TRAPPC13: variants seen among roughly 807,000 people sequenced by gnomAD.
TRAPPC13 encodes REV7-interacting novel NHEJ regulator 1.
A neutral mutation model predicts 54.0 loss-of-function variants in TRAPPC13; 39 were observed. The observed-to-expected ratio is 0.72, with a 90% CI of 0.56 to 0.94. TRAPPC13 has a LOEUF of 0.94. Ranked by LOEUF, TRAPPC13 falls within the 40% of genes least tolerant of loss-of-function variation. The pLI, the probability that TRAPPC13 is intolerant of heterozygous loss-of-function variation, is 0.00. For missense variants in TRAPPC13, 386 were observed against 488.1 expected (o/e 0.79, Z 1.97); for synonymous variants, 148 against 167.7 (o/e 0.88, Z 0.91).
intron 1 of TRAPPC13, among the ~76,000 whole-genome samples, chr5:65,633,342 C>T (rs977634560): frequency 2.6e-5 from 4 of 151,410 alleles, no homozygotes; most frequent in Admixed American, 6.6e-5. Context: ...GTGCAGTGGG[C>T]GATCTCAGCT....
chr5:65,635,166 T>C, intron 1 of TRAPPC13, 135 bp from the exon 2 acceptor site: 1 of 760,578 alleles, frequency 1.3e-6, no homozygotes, highest in Non-Finnish European at 2.0e-6. Flanking sequence ...AGGAAGTATG[T>C]AGTATTATAT....
In TRAPPC13 at chr5:65,651,842, G is replaced by GTTTTTTTTTTT. The variant is rs762929434; in HGVS notation, c.502-631_502-621dup. The stretch of plus-strand genomic sequence containing the variant: ...TTGAAAGAAAATAAAACGTGATTCA[G>GTTTTTTTTTTT]TTTTTTTTTTTTTTTTTTTTTTTTT... On this transcript the variant is annotated intron_variant, in intron 6 of 12. Transcript: ENST00000399438. 2.2e-4 allele frequency among the ~76,000 whole-genome samples: 9 copies of GTTTTTTTTTTT among 41,162 alleles called. 1 individual carries two copies. The highest frequency in any genetic ancestry group is 5.6e-4 in the African/African-American group (6 of 10,806). 27.0% of individuals were successfully genotyped at this position (41,162 alleles called of 152,430 possible). A position where few individuals can be genotyped will look rare whatever the true frequency, so the allele number is the denominator to read the frequency against.
chr5:65,646,814 A>G (rs1756226236), intron 4 of TRAPPC13, among the ~76,000 whole-genome samples: 1 of 152,078 alleles, frequency 6.6e-6, no homozygotes, highest in Non-Finnish European at 1.5e-5. Context: ...TTCCATTTTG[A>G]ATTCTCCCTA....
chr5:65,649,979 C>T (rs1756365333), intron 5 of TRAPPC13, among the ~76,000 whole-genome samples: 1 of 151,192 alleles, frequency 6.6e-6, no homozygotes, highest in African/African-American at 2.4e-5. Flanking sequence ...GCCTCAGACT[C>T]CCGAGTAGCT....
chr5:65,633,590 T>C (rs1435816602), intron 1 of TRAPPC13, among the ~76,000 whole-genome samples: 1 of 152,130 alleles, frequency 6.6e-6, no homozygotes, highest in African/African-American at 2.4e-5. Flanking sequence ...ATACTTTTAA[T>C]AATGAACTAG....
At position 65,658,824 on chromosome 5, in the gene TRAPPC13, A is replaced by G. The variant is rs531152393; in HGVS notation, c.698+323A>G. ...AACCTCCACCTCCCAGGTTCAAGCAATTTTGGTGCATCAGCCTCCCAAGCT... is the reference window on the plus strand; with the variant it reads ...AACCTCCACCTCCCAGGTTCAAGCAGTTTTGGTGCATCAGCCTCCCAAGCT... On this transcript the variant is annotated intron_variant, in intron 9 of 12. Transcript: ENST00000399438. Among the ~76,000 whole-genome samples the G allele has an allele frequency of 7.2e-5, 11 of 151,898 alleles. No individual in the cohort carries two copies. The South Asian group carries it at 2.3e-3, about 32-fold the overall frequency.
chr5:65,629,776 G>A lies in TRAPPC13; in HGVS notation c.46+4670G>A, dbSNP rs965500494. ...GATCACCACCTGTGATTTCTGAAGA[G>A]GCAGCTGAAGATGTGAAACAGTACT... On this transcript the variant is annotated intron_variant, in intron 1 of 12. Transcript: ENST00000399438. The A allele has an allele frequency of 4.6e-6, 7 of 1,535,986 alleles. No homozygotes were observed. In the African/African-American group the frequency reaches 8.2e-5, roughly 18 times the overall value.
At chr5:65,630,656 T>C in intron 1 of TRAPPC13, 1 of 1,015,632 alleles carries the variant, frequency 9.8e-7, no homozygotes, top group Non-Finnish European at 1.2e-6. Flanking sequence ...TGTATTTTTT[T>C]CCTTACCTCA....
chr5:65,662,374 T>C (rs16894196), intron 11 of TRAPPC13: 1 of 222,346 alleles, frequency 4.5e-6, no homozygotes, highest in Non-Finnish European at 8.8e-6. Context: ...TTCATTCATT[T>C]GTCACACCCT....
At chr5:65,633,734 G>C (rs188951189) in intron 1 of TRAPPC13, among the ~76,000 whole-genome samples, 310 of 151,878 alleles carry the variant, frequency 2.0e-3, no homozygotes, top group African/African-American at 7.2e-3. Flanking sequence ...AAAAATTATA[G>C]AGTGTTTACT....
intron 4 of TRAPPC13, among the ~76,000 whole-genome samples, chr5:65,645,103 CAGG>C (rs987326530): frequency 7.5e-5 from 11 of 146,490 alleles, no homozygotes; most frequent in Admixed American, 2.9e-4. Context: ...GAGGCTGAGG[CAGG>C]AGAATCGCCT....
At chr5:65,638,133 A>G (rs968674808) in intron 4 of TRAPPC13, among the ~76,000 whole-genome samples, 15 of 151,912 alleles carry the variant, frequency 9.9e-5, no homozygotes, top group African/African-American at 3.6e-4. Context: ...AAAAAAAAAA[A>G]AAAGAAAAAA....
intron 5 of TRAPPC13, among the ~76,000 whole-genome samples, chr5:65,647,881 T>C (rs1756274323): frequency 6.6e-6 from 1 of 152,182 alleles, no homozygotes; most frequent in Admixed American, 6.5e-5. Flanking sequence ...TTAGCTGTTA[T>C]CTAATCAGTT....
At chr5:65,625,876 A>C (rs1247289107) in intron 1 of TRAPPC13, 1 of 152,232 alleles carries the variant, frequency 6.6e-6, no homozygotes, top group African/African-American at 2.4e-5. Context: ...GAGCTGAGGA[A>C]ATGCTCAATA....
chr5:65,658,641 T>A, intron 9 of TRAPPC13, 140 bp downstream of exon 9: 1 of 601,934 alleles, frequency 1.7e-6, no homozygotes, highest in Non-Finnish European at 2.5e-6. Context: ...CATCAGAAAG[T>A]AGAGTTTCCA....
At position 65,655,661 on chromosome 5, in the gene TRAPPC13, G is replaced by T; in HGVS notation, c.564+8G>T. Reference sequence around the variant, plus strand: ...AGTGACCTCAGTTCTGTGGTAATTTGATTTTTTATTATAAATTTTTATACT... The same window carrying T: ...AGTGACCTCAGTTCTGTGGTAATTTTATTTTTTATTATAAATTTTTATACT... On this transcript the variant is annotated splice_region_variant and intron_variant, in intron 8 of 12. Coordinates refer to ENST00000399438, the MANE Select transcript of TRAPPC13 (RefSeq NM_024941.4). 2 of 847,838 alleles carry T rather than the reference G, an allele frequency of 2.4e-6. No homozygotes were observed. The highest frequency in any genetic ancestry group is 1.6e-6 in the Non-Finnish European group (1 of 611,152). 52.5% of individuals were successfully genotyped at this position (847,838 alleles called of 1,614,324 possible).
Position 65,629,673 on chromosome 5 carries a change from A to G in TRAPPC13, c.46+4567A>G, listed in dbSNP as rs1200845378. On this transcript the variant is annotated intron_variant, in intron 1 of 12. Transcript: ENST00000399438. ...AAAATTGCAGAAAAAGCAATTCAAG[A>G]CTTTCCTACTCGTCCGCTATCAAGA... 18 of 1,535,920 alleles carry G rather than the reference A, an allele frequency of 1.2e-5. No individual in the cohort carries two copies. The Admixed American group carries it at 3.5e-4, about 30-fold the overall frequency.
rs541769141 is a variant in TRAPPC13 at position 65,665,473 on chromosome 5, A to G, written c.*862A>G. ...TCTGTATTTGTATATTATACCTACA[A>G]ACATACATATCTTTCAGCTACTGAA... On this transcript the variant is annotated 3_prime_UTR_variant, in exon 13 of 13. Transcript: ENST00000399438. 6.6e-6 allele frequency: 1 copy of G among 152,290 alleles called. No individual in the cohort carries two copies. The highest frequency in any genetic ancestry group is 6.5e-5 in the Admixed American group (1 of 15,302). 9.4% of individuals were successfully genotyped at this position (152,290 alleles called of 1,614,324 possible). A position where few individuals can be genotyped will look rare whatever the true frequency, so the allele number is the denominator to read the frequency against.
intron 6 of TRAPPC13, among the ~76,000 whole-genome samples, chr5:65,651,915 G>A (rs1756472218): frequency 7.9e-6 from 1 of 127,056 alleles, no homozygotes; most frequent in South Asian, 2.7e-4. Flanking sequence ...CTAGGCTGGA[G>A]TGCAATGACG....
Sources: gnomAD v4.1 joint callset for allele counts (sites outside exome capture counted in the v4.1 genomes callset) on GRCh38, gnomAD v4.1.1 for gene constraint, MANE v1.5 for transcripts, NCBI Gene and HGNC (gene_info 2026-07-23, HGNC 2026-07-21) for gene names.